The following ANO4 variants were observed in gnomAD, a reference collection of about 807,000 sequenced individuals.
ANO4 encodes the protein anoctamin-4.
A neutral mutation model predicts 141.9 loss-of-function variants in ANO4; 69 were observed. The ratio of observed to expected loss-of-function variants is 0.49; its 90% CI spans 0.40 to 0.59. The LOEUF (loss-of-function observed/expected upper bound fraction) is 0.59. ANO4 is among the 20% of genes least tolerant of loss of function. The pLI is 0.00. For missense variants in ANO4, 894 were observed against 1,162.2 expected, an observed-to-expected ratio of 0.77 and a Z score of 3.36; for synonymous variants, 350 against 394.3, an observed-to-expected ratio of 0.89 and a Z score of 1.33.
intron 8 of ANO4, among the ~76,000 whole-genome samples, chr12:101,013,113 C>T (rs1313774130): frequency 6.6e-6 from 1 of 152,104 alleles, no homozygotes; most frequent in Non-Finnish European, 1.5e-5. Flanking sequence ...CCAGCAGTGC[C>T]CTTTTTTAAG....
At chr12:101,047,273 C>T (rs1243751700) in intron 13 of ANO4, among the ~76,000 whole-genome samples, 1 of 151,932 alleles carries the variant, frequency 6.6e-6, no homozygotes, top group Admixed American at 6.6e-5. Flanking sequence ...AAACAAACAA[C>T]AACAAACTCT....
intron 1 of ANO4, among the ~76,000 whole-genome samples, chr12:100,808,838 A>G (rs986435577): frequency 2.6e-5 from 4 of 152,186 alleles, no homozygotes; most frequent in Non-Finnish European, 5.9e-5. Flanking sequence ...ATAAAAACGT[A>G]TTTGTTTTAA....
intron 3 of ANO4, among the ~76,000 whole-genome samples, chr12:100,775,331 CAGA>C (rs1227904635): frequency 6.6e-6 from 1 of 152,206 alleles, no homozygotes; most frequent in Non-Finnish European, 1.5e-5. Flanking sequence ...AGTTTGATAT[CAGA>C]AGGAGACCAT....
chr12:100,719,310 A>G (rs2030754718), intron 1 of ANO4, among the ~76,000 whole-genome samples: 1 of 152,224 alleles, frequency 6.6e-6, no homozygotes, highest in Non-Finnish European at 1.5e-5. Flanking sequence ...TGTGAGCTAA[A>G]CCATGACAGA....
At chr12:101,084,450 AAACAT>A (rs1304100441) in intron 16 of ANO4, among the ~76,000 whole-genome samples, 1 of 152,242 alleles carries the variant, frequency 6.6e-6, no homozygotes, top group Non-Finnish European at 1.5e-5. Flanking sequence ...TTACTGAACA[AAACAT>A]ATGCAGATGT....
At chr12:100,991,590 A>C (rs543962242) in intron 8 of ANO4, among the ~76,000 whole-genome samples, 2 of 151,874 alleles carry the variant, frequency 1.3e-5, no homozygotes, top group African/African-American at 4.8e-5. Context: ...CCCACTGAAA[A>C]ACCTTTCGAG....
chr12:101,121,856 A>G (rs10745905), intron 26 of ANO4, among the ~76,000 whole-genome samples: 70,766 of 150,014 alleles, frequency 0.47, 19,435 homozygotes, highest in African/African-American at 0.78. Flanking sequence ...TCTGCCTCCC[A>G]GGTTCAAGTA....
At chr12:100,777,245 A>G (rs1383780865) in intron 3 of ANO4, among the ~76,000 whole-genome samples, 1 of 136,430 alleles carries the variant, frequency 7.3e-6, no homozygotes, top group East Asian at 2.2e-4. Context: ...GGTATACACC[A>G]CCAAGTCCAG....
chr12:100,898,932 C>T (rs1312113762), intron 1 of ANO4, among the ~76,000 whole-genome samples: 2 of 152,188 alleles, frequency 1.3e-5, no homozygotes, highest in South Asian at 4.1e-4. Context: ...GATGGGTCTA[C>T]AGATGGTTCA....
chr12:100,748,813 A>G (rs1345294015), intron 3 of ANO4, among the ~76,000 whole-genome samples: 4 of 151,946 alleles, frequency 2.6e-5, no homozygotes, highest in African/African-American at 9.7e-5. Flanking sequence ...AAAAAATGGG[A>G]TGTCATCTTC....
At chr12:101,058,244 A>G (rs188573166) in intron 14 of ANO4, among the ~76,000 whole-genome samples, 1 of 152,288 alleles carries the variant, frequency 6.6e-6, no homozygotes, top group African/African-American at 2.4e-5. Flanking sequence ...TACCAGTACC[A>G]TGCTGTTTTG....
chr12:100,934,153 T>G (rs1217100757), intron 3 of ANO4, among the ~76,000 whole-genome samples: 1 of 152,226 alleles, frequency 6.6e-6, no homozygotes, highest in Non-Finnish European at 1.5e-5. Flanking sequence ...TTTGGTGTTT[T>G]AATCATGAAG....
chr12:101,111,059 T>C (rs750661593), intron 23 of ANO4, among the ~76,000 whole-genome samples: 6 of 152,338 alleles, frequency 3.9e-5, no homozygotes, highest in Non-Finnish European at 7.4e-5. Flanking sequence ...ATTCAGTGCT[T>C]AGCACAGAGC....
chr12:101,096,473 A>C, intron 18 of ANO4, 63 bp from the exon 19 acceptor site: 3 of 1,296,644 alleles, frequency 2.3e-6, no homozygotes, highest in Non-Finnish European at 3.3e-6. Flanking sequence ...GGGGAGGGAA[A>C]GAGAGGGAGT....
chr12:100,747,015 G>A (rs370140504), intron 3 of ANO4, among the ~76,000 whole-genome samples: 1 of 152,262 alleles, frequency 6.6e-6, no homozygotes, highest in East Asian at 1.9e-4. Flanking sequence ...TAGCTGTGGG[G>A]GTTGTTTTGT....
chr12:101,107,183 GTCAGTTTTATT>G (rs1376069557), intron 22 of ANO4, among the ~76,000 whole-genome samples: 1 of 152,066 alleles, frequency 6.6e-6, no homozygotes, highest in Non-Finnish European at 1.5e-5. Flanking sequence ...AATTATCTCT[GTCAGTTTTATT>G]TCTACCTGAT....
At chr12:100,973,551 C>A (rs913390766) in intron 6 of ANO4, among the ~76,000 whole-genome samples, 3 of 152,144 alleles carry the variant, frequency 2.0e-5, no homozygotes, top group African/African-American at 7.2e-5. Flanking sequence ...AACTAATAGA[C>A]CTTACTTTTT....
At chr12:100,806,379 C>T (rs11110528) in intron 1 of ANO4, among the ~76,000 whole-genome samples, 1 of 151,952 alleles carries the variant, frequency 6.6e-6, no homozygotes, top group Non-Finnish European at 1.5e-5. Context: ...AAAGTAGCAT[C>T]TTATAGTTTA....
chr12:101,108,763 A>C (rs1364668390), intron 22 of ANO4, among the ~76,000 whole-genome samples: 1 of 152,170 alleles, frequency 6.6e-6, no homozygotes, highest in African/African-American at 2.4e-5. Context: ...GTTGTTTTGC[A>C]TCAGAAACCA....
Sources: allele counts gnomAD v4.1 joint callset (sites outside exome capture counted in the v4.1 genomes callset), GRCh38; gene constraint gnomAD v4.1.1; transcripts MANE v1.5; gene names NCBI Gene and HGNC (gene_info 2026-07-23, HGNC 2026-07-21).